DAB2IP: variants seen among roughly 807,000 people sequenced by gnomAD.
The protein encoded by DAB2IP is DAB2 interacting protein, also known as disabled homolog 2-interacting protein.
Under a neutral mutation model 107.2 loss-of-function variants are expected in DAB2IP, and 28 were observed. The observed-to-expected ratio is 0.26, with a 90% confidence interval of 0.19 to 0.36. The LOEUF is 0.36. Among genes scored for constraint, DAB2IP ranks in the 10% least tolerant of loss-of-function variants. DAB2IP has a pLI of 1.00. For missense variants in DAB2IP, 1,400 were observed against 1,644.7 expected (o/e 0.85, Z 2.57); for synonymous variants, 755 against 706.4 (o/e 1.07, Z -1.09).
chr9:121,581,014 G>A (rs112760774), intron 1 of DAB2IP, among the ~76,000 whole-genome samples: 5,491 of 152,316 alleles, frequency 0.036, 271 homozygotes, highest in African/African-American at 0.11. Flanking sequence ...CTGGGGTAGC[G>A]GCCTCAAATG....
intron 2 of DAB2IP, among the ~76,000 whole-genome samples, chr9:121,691,533 A>C (rs1829161175): frequency 6.6e-6 from 1 of 152,168 alleles, no homozygotes. Flanking sequence ...AAAAAAAAAA[A>C]AAACTATGAC....
At chr9:121,732,820 G>C (rs1831624967) in intron 3 of DAB2IP, among the ~76,000 whole-genome samples, 1 of 152,164 alleles carries the variant, frequency 6.6e-6, no homozygotes, top group Non-Finnish European at 1.5e-5. Context: ...GTAAAATGTA[G>C]CATGGATAGC....
intron 1 of DAB2IP, among the ~76,000 whole-genome samples, chr9:121,602,546 A>G: frequency 6.6e-6 from 1 of 150,506 alleles, no homozygotes; most frequent in Non-Finnish European, 1.5e-5. Flanking sequence ...GGCACATGCC[A>G]CCATGCTCAG....
At chr9:121,770,928 G>GTTTGTTTTGT (rs542997327) in intron 11 of DAB2IP, among the ~76,000 whole-genome samples, 4 of 140,242 alleles carry the variant, frequency 2.9e-5, no homozygotes, top group African/African-American at 6.2e-5. Flanking sequence ...GATGCTATAG[G>GTTTGTTTTGT]TTTGTTTTGT....
At chr9:121,567,362 A>G (rs1445639040) in intron 1 of DAB2IP, 4 of 1,260,602 alleles carry the variant, frequency 3.2e-6, no homozygotes, top group Non-Finnish European at 4.5e-6. Context: ...CTTGGGACCC[A>G]TGGGTGGGCA....
Position 121,587,018 on chromosome 9 carries a change from C to T in DAB2IP, c.40+19790C>T, listed in dbSNP as rs7868171. ...CAGGCAGTGATCTAGGCACAGGCAG[C>T]GGGGGTGTCAGCATTCAAGGGTGTT... On this transcript the variant is annotated intron_variant, in intron 1 of 16. Coordinates refer to the DAB2IP transcript ENST00000259371. Among the ~76,000 whole-genome samples the T allele has an allele frequency of 8.8e-3, 1,339 of 152,252 alleles. 22 individuals carry two copies. Among genetic ancestry groups the T allele is most frequent in the African/African-American group, 0.029 (1,219 of 41,550 alleles).
chr9:121,731,900 C>T (rs1831564721), intron 3 of DAB2IP, among the ~76,000 whole-genome samples: 1 of 152,106 alleles, frequency 6.6e-6, no homozygotes, highest in Non-Finnish European at 1.5e-5. Flanking sequence ...ACTTAGGCCT[C>T]GGACCTCGTG....
intron 1 of DAB2IP, among the ~76,000 whole-genome samples, chr9:121,590,279 C>A (rs1032234653): frequency 6.6e-6 from 1 of 150,426 alleles, no homozygotes; most frequent in Admixed American, 6.7e-5. Context: ...CTCCTTCTGG[C>A]CCCTCCTTCC....
rs80241438 is a variant in DAB2IP, at chr9:121,731,229, T to A, written c.363-25784T>A. Among the ~76,000 whole-genome samples, 7 of 152,358 alleles carry A rather than the reference T, an allele frequency of 4.6e-5. No homozygotes were observed. In the East Asian group the frequency reaches 1.3e-3, roughly 29 times the overall value. On this transcript the variant is annotated intron_variant, in intron 3 of 15. Coordinates refer to ENST00000408936, the Ensembl canonical transcript of DAB2IP. The stretch of plus-strand genomic sequence containing the variant: ...AGACCGGGTGTCTTGTTCACCTGTT[T>A]GGCTCCTGGTGTCACTTCCTTCCCA...
At position 121,668,907 on chromosome 9, in the gene DAB2IP, C is replaced by CTTTTT. The variant is rs377320590; in HGVS notation, c.125-9750_125-9746dup. On this transcript the variant is annotated intron_variant, in intron 1 of 15. Transcript: ENST00000408936. The stretch of plus-strand genomic sequence containing the variant: ...CTTAAAGGGTCCATAGTAAGCCTTA[C>CTTTTT]TTTTTTTTTTTTTTTTTTTTTTTTT... Among the ~76,000 whole-genome samples, 166 of 72,160 alleles carry CTTTTT rather than the reference C, an allele frequency of 2.3e-3. 5 individuals are homozygous for CTTTTT. The highest frequency in any genetic ancestry group is 2.7e-3 in the Non-Finnish European group (110 of 40,964). 47.3% of individuals were successfully genotyped at this position (72,160 alleles called of 152,430 possible). A position where few individuals can be genotyped will look rare whatever the true frequency, so the allele number is the denominator to read the frequency against.
chr9:121,767,079 C>T (rs942998725), intron 9 of DAB2IP, among the ~76,000 whole-genome samples: 3 of 152,226 alleles, frequency 2.0e-5, no homozygotes, highest in Non-Finnish European at 4.4e-5. Context: ...TAATATTCCT[C>T]CAAGGGGGAC....
rs536183516 is a variant in DAB2IP, at chr9:121,735,333, C to A, written c.363-21680C>A. On this transcript the variant is annotated intron_variant, in intron 3 of 15. Transcript: ENST00000408936. Reference sequence around the variant, plus strand: ...GGGGATGGAATGAGTCAGGGACTTTCCAGGTTGGGGGCTGCTGCTGGGGAC... The same window carrying A: ...GGGGATGGAATGAGTCAGGGACTTTACAGGTTGGGGGCTGCTGCTGGGGAC... Among the ~76,000 whole-genome samples, 14 of 152,270 alleles carry A rather than the reference C, an allele frequency of 9.2e-5. No homozygotes were observed. The South Asian group carries it at 2.3e-3, about 25-fold the overall frequency.
chr9:121,695,592 G>T (rs887878585), intron 2 of DAB2IP, among the ~76,000 whole-genome samples: 4 of 152,182 alleles, frequency 2.6e-5, no homozygotes, highest in Non-Finnish European at 4.4e-5. Flanking sequence ...GTCAGCAAGC[G>T]TGGGCTCCTG....
chr9:121,734,364 ACAGAG>A (rs1831740797), intron 3 of DAB2IP, among the ~76,000 whole-genome samples: 2 of 139,904 alleles, frequency 1.4e-5, no homozygotes, highest in African/African-American at 6.5e-5. Context: ...GGCCTGGGCA[ACAGAG>A]CGAGACTCCG....
intron 1 of DAB2IP, among the ~76,000 whole-genome samples, chr9:121,661,981 G>A (rs182254485): frequency 0.03 from 4,150 of 137,126 alleles, 82 homozygotes; most frequent in Non-Finnish European, 0.042. Context: ...ACCCTGTCTC[G>A]AAAAAAAAAA....
intron 1 of DAB2IP, among the ~76,000 whole-genome samples, chr9:121,571,481 A>G (rs868069099): frequency 6.6e-6 from 1 of 152,050 alleles, no homozygotes; most frequent in South Asian, 2.1e-4. Flanking sequence ...GATACTTACA[A>G]TCTTGGTCAG....
chr9:121,742,902 T>G lies in DAB2IP; in HGVS notation c.363-14111T>G, dbSNP rs186756127. 5 of 985,386 alleles carry G rather than the reference T, an allele frequency of 5.1e-6. No homozygotes were observed. In the African/African-American group the frequency reaches 8.7e-5, roughly 17 times the overall value. The allele number at this position is 985,386 out of a possible 1,614,324, so 61.0% of individuals were successfully genotyped here. A position where few individuals can be genotyped will look rare whatever the true frequency, so the allele number is the denominator to read the frequency against. On this transcript the variant is annotated intron_variant, in intron 3 of 15. Transcript: ENST00000408936. ...TCTGAGGCTCAAACTGAAAGCCTGG[T>G]GGTGGGGCACCTGTGACAGGTGAGA...
chr9:121,714,605 G>A (rs528694211), intron 3 of DAB2IP, among the ~76,000 whole-genome samples: 17 of 152,196 alleles, frequency 1.1e-4, no homozygotes, highest in Admixed American at 1.3e-4. Flanking sequence ...TCAAAGAAGA[G>A]GATACTCTTC....
rs1348512818 is a variant in DAB2IP, at chr9:121,633,170, A to C, written c.41-45508A>C. ...GCACTATTAAACTCCTGAAAAATTC[A>C]TGAGCACGCTGGGAATAGAGACCTC... On this transcript the variant is annotated intron_variant, in intron 1 of 16. Transcript: ENST00000259371. This position sits in a 1 kb window ranked among gnomAD's most constrained non-coding sequence, Gnocchi z 5.1. 6.6e-6 allele frequency among the ~76,000 whole-genome samples: 1 copy of C among 152,206 alleles called. No homozygotes were observed. The highest frequency in any genetic ancestry group is 1.9e-4 in the East Asian group (1 of 5,194).
Sources: allele counts gnomAD v4.1 joint callset (sites outside exome capture counted in the v4.1 genomes callset), GRCh38; gene constraint gnomAD v4.1.1; non-coding constraint Gnocchi (gnomAD v3.1); transcripts MANE v1.5; gene names NCBI Gene and HGNC (gene_info 2026-07-23, HGNC 2026-07-21).